Variants in SFMBT1 observed in about 807,000 individuals in gnomAD.
SFMBT1 encodes scm-like with four MBT domains protein 1.
SFMBT1 carries 32 observed loss-of-function variants against 108.7 expected under a neutral mutation model. The observed-to-expected ratio is 0.29, with a 90% CI of 0.22 to 0.40. The LOEUF (loss-of-function observed/expected upper bound fraction) is 0.40. Ranked by LOEUF, SFMBT1 falls within the 10% of genes least tolerant of loss-of-function variation. SFMBT1 has a pLI of 1.00. For missense variants in SFMBT1, 816 were observed against 1,059.6 expected, an observed-to-expected ratio of 0.77 and a Z score of 3.19; for synonymous variants, 348 against 369.5, an observed-to-expected ratio of 0.94 and a Z score of 0.67.
chr3:53,034,699 G>C (rs1252883759), intron 1 of SFMBT1, among the ~76,000 whole-genome samples: 2 of 152,170 alleles, frequency 1.3e-5, no homozygotes, highest in African/African-American at 4.8e-5. Context: ...CATTTTGGGA[G>C]GCTGAGGCGG....
chr3:52,977,832 A>C (rs939323061), intron 1 of SFMBT1, among the ~76,000 whole-genome samples: 4 of 152,224 alleles, frequency 2.6e-5, no homozygotes, highest in African/African-American at 4.8e-5. Context: ...GGCAGGGCAA[A>C]AGGGAGTGTT....
In SFMBT1 at chr3:52,926,085, A is replaced by T. The variant is rs1049347764; in HGVS notation, c.1077T>A (p.Ala359=). 4 of 1,602,674 alleles carry T rather than the reference A, an allele frequency of 2.5e-6. No individual in the cohort carries two copies. The highest frequency in any genetic ancestry group is 1.4e-5 in the African/African-American group (1 of 73,944). Residue 359 remains alanine (A), a synonymous_variant, in exon 10 of 21, where the codon GCT becomes GCA. Coordinates refer to ENST00000394752, the MANE Select transcript of SFMBT1 (RefSeq NM_016329.4). ...CAGCACCACACTGTTTGAGGTAGTC[A>T]GCCCAGTCAAAGTCCTGGCTTGGGT... ...PGYPSQDFDW[A]DYLKQCGAEA... is the part of the protein sequence containing the mutation.
At chr3:52,941,701 G>T (rs1383879718) in intron 4 of SFMBT1, among the ~76,000 whole-genome samples, 1 of 151,198 alleles carries the variant, frequency 6.6e-6, no homozygotes, top group Non-Finnish European at 1.5e-5. Context: ...GTTTGAGACT[G>T]GCCTGGGCAA....
rs770249107 is a variant in SFMBT1 at position 52,943,483 on chromosome 3, C to A, written c.234G>T (p.Gln78His). The A allele has an allele frequency of 7.4e-6, 12 of 1,614,032 alleles. No homozygotes were observed. The Admixed American group carries it at 1.7e-4, about 22-fold the overall frequency. The change falls in exon 4 of 21, where the codon CAG becomes CAT. Residue 78 changes from glutamine (Q) to histidine (H), a missense_variant. By Grantham distance (24) the Gln-to-His change is conservative (BLOSUM62 0). This residue lies in a region of SFMBT1 where 495 missense variants were observed against 607.4 expected (regional missense o/e 0.81). Transcript: ENST00000394752. ...AGCCATCATAGCGGAGAAGGAGCAA[C>A]TGCTCACAGGTAGTGATAACGGTGG... ...WVATVITTCE[Q>H]LLLLRYDGYG... is the part of the protein sequence containing the mutation.
chr3:53,008,784 C>T (rs887040963), intron 1 of SFMBT1, among the ~76,000 whole-genome samples: 4 of 151,936 alleles, frequency 2.6e-5, no homozygotes, highest in Non-Finnish European at 4.4e-5. Flanking sequence ...ACAAGGCACC[C>T]GCCACCACGC....
At position 52,918,659 on chromosome 3, in the gene SFMBT1, G is replaced by GTGTA. The variant is rs1553634173; in HGVS notation, c.1373-134_1373-133insTACA. On this transcript the variant is annotated intron_variant, in intron 12 of 20. Coordinates refer to ENST00000394752, the MANE Select transcript of SFMBT1 (RefSeq NM_016329.4). ...AGTGTGTGTGTATATATGTGTGTGT[G>GTGTA]TATATATATATATACACATATATAT... 2.9e-5 allele frequency: 11 copies of GTGTA among 383,412 alleles called. No homozygotes were observed. In the East Asian group the frequency reaches 3.4e-4, roughly 12 times the overall value. The allele number at this position is 383,412 out of a possible 1,614,324, so 23.8% of individuals were successfully genotyped here.
intron 2 of SFMBT1, among the ~76,000 whole-genome samples, chr3:52,957,719 A>G (rs1703826099): frequency 6.6e-6 from 1 of 152,224 alleles, no homozygotes; most frequent in South Asian, 2.1e-4. Context: ...AGGATTCCCT[A>G]TTTAATAAAT....
intron 2 of SFMBT1, among the ~76,000 whole-genome samples, chr3:52,955,551 A>C (rs771917726): frequency 6.6e-6 from 1 of 152,144 alleles, no homozygotes; most frequent in East Asian, 1.9e-4. Flanking sequence ...AAATACAAAC[A>C]ACCATCAGAG....
intron 6 of SFMBT1, 32 bp from the exon 7 acceptor site, chr3:52,931,067 G>A: frequency 6.4e-7 from 1 of 1,572,404 alleles, no homozygotes; most frequent in Non-Finnish European, 8.8e-7. Context: ...TGCTTTAGAT[G>A]ATGAGAAACT....
chr3:53,027,413 A>C (rs1357171044), intron 1 of SFMBT1, among the ~76,000 whole-genome samples: 1 of 152,148 alleles, frequency 6.6e-6, no homozygotes, highest in East Asian at 1.9e-4. Flanking sequence ...GAACTTACTC[A>C]ATTTTGCATT....
intron 1 of SFMBT1, among the ~76,000 whole-genome samples, chr3:53,008,182 T>C (rs1267276265): frequency 6.6e-6 from 1 of 152,088 alleles, no homozygotes; most frequent in African/African-American, 2.4e-5. Flanking sequence ...TAATATAATG[T>C]GTCAATGTTA....
Position 52,969,335 on chromosome 3 carries a change from C to A in SFMBT1, c.-130-77G>T, listed in dbSNP as rs920554480. The stretch of plus-strand genomic sequence containing the variant: ...CTCACTCATCAAACAGGGCACTCGA[C>A]TGGTTGAGAGATGACATAAGACAAA... On this transcript the variant is annotated intron_variant, in intron 1 of 20. Transcript: ENST00000394752. 3.6e-6 allele frequency: 5 copies of A among 1,383,578 alleles called. No homozygotes were observed. In the African/African-American group the frequency reaches 4.4e-5, roughly 12 times the overall value. 85.7% of individuals were successfully genotyped at this position (1,383,578 alleles called of 1,614,324 possible).
At chr3:52,978,653 A>C (rs1423212676) in intron 1 of SFMBT1, among the ~76,000 whole-genome samples, 1 of 152,182 alleles carries the variant, frequency 6.6e-6, no homozygotes, top group African/African-American at 2.4e-5. Context: ...CCAAACATAA[A>C]CTTGTTCATG....
chr3:52,923,227 A>G (rs1702567860), intron 10 of SFMBT1, among the ~76,000 whole-genome samples: 1 of 152,202 alleles, frequency 6.6e-6, no homozygotes, highest in Non-Finnish European at 1.5e-5. Context: ...GGGTGGATTA[A>G]TTAACAGCCT....
chr3:52,983,713 T>C (rs1704805749), intron 1 of SFMBT1, among the ~76,000 whole-genome samples: 2 of 151,912 alleles, frequency 1.3e-5, no homozygotes, highest in South Asian at 4.1e-4. Context: ...GTCTCTGAAG[T>C]GGGAGCTTGT....
chr3:53,014,645 T>C (rs1462683084), intron 1 of SFMBT1, among the ~76,000 whole-genome samples: 3 of 152,310 alleles, frequency 2.0e-5, no homozygotes, highest in African/African-American at 4.8e-5. Flanking sequence ...GTCTACCTTA[T>C]AAACTGTACA....
intron 17 of SFMBT1, among the ~76,000 whole-genome samples, chr3:52,909,684 T>C (rs994732596): frequency 6.6e-6 from 1 of 152,136 alleles, no homozygotes; most frequent in African/African-American, 2.4e-5. Context: ...TTTAACAAGG[T>C]AAAAATCCTC....
chr3:53,004,015 T>C (rs1364416625), intron 1 of SFMBT1, among the ~76,000 whole-genome samples: 2 of 149,856 alleles, frequency 1.3e-5, no homozygotes, highest in African/African-American at 2.4e-5. Context: ...AGAGAAACAA[T>C]GGTCACTGGA....
At chr3:52,998,907 G>A (rs1698437835) in intron 1 of SFMBT1, among the ~76,000 whole-genome samples, 1 of 150,686 alleles carries the variant, frequency 6.6e-6, no homozygotes, top group Non-Finnish European at 1.5e-5. Context: ...CTGTTGATGG[G>A]CTGGCACCCG....
Sources: gnomAD v4.1 joint callset for allele counts (sites outside exome capture counted in the v4.1 genomes callset) on GRCh38, gnomAD v4.1.1 for gene constraint, gnomAD v4.1.1 regional missense constraint, MANE v1.5 for transcripts, NCBI Gene and HGNC (gene_info 2026-07-23, HGNC 2026-07-21) for gene names.